The following BRINP1 variants were observed in gnomAD, a reference collection of about 807,000 sequenced individuals.
The protein encoded by BRINP1 is BMP/retinoic acid-inducible neural-specific protein 1.
A neutral mutation model predicts 72.9 loss-of-function variants in BRINP1; 17 were observed. The observed-to-expected ratio is 0.23, with a 90% CI of 0.16 to 0.35. The LOEUF is 0.35. Among genes scored for constraint, BRINP1 ranks in the 10% least tolerant of loss-of-function variants. BRINP1 has a pLI of 1.00. For missense variants in BRINP1, 850 were observed against 1,001.6 expected (o/e 0.85, Z 2.04); for synonymous variants, 418 against 378.5 (o/e 1.10, Z -1.21).
intron 1 of BRINP1, among the ~76,000 whole-genome samples, chr9:119,329,419 G>A (rs1188479029): frequency 2.6e-5 from 4 of 152,172 alleles, no homozygotes; most frequent in African/African-American, 9.7e-5. Context: ...TACAGCCACA[G>A]CTGTCACTTG....
chr9:119,224,225 T>C (rs1403575354), intron 5 of BRINP1, among the ~76,000 whole-genome samples: 1 of 152,096 alleles, frequency 6.6e-6, no homozygotes, highest in Non-Finnish European at 1.5e-5. Context: ...TATGCATACA[T>C]ATGCACGAGT....
intron 5 of BRINP1, among the ~76,000 whole-genome samples, chr9:119,237,397 G>C (rs570385196): frequency 6.7e-6 from 1 of 149,460 alleles, no homozygotes; most frequent in Non-Finnish European, 1.5e-5. Context: ...GTCTTGCTCT[G>C]TTGCCCAGGC....
intron 7 of BRINP1, among the ~76,000 whole-genome samples, chr9:119,188,688 G>A (rs1297190145): frequency 6.6e-6 from 1 of 152,086 alleles, no homozygotes; most frequent in Admixed American, 6.6e-5. Flanking sequence ...AGGCTGAGGT[G>A]GGAGGATCAC....
intron 2 of BRINP1, among the ~76,000 whole-genome samples, chr9:119,252,823 C>T (rs899319648): frequency 6.6e-6 from 1 of 152,084 alleles, no homozygotes; most frequent in Admixed American, 6.6e-5. Flanking sequence ...AATGATGCCA[C>T]CCCCACCACC....
chr9:119,364,647 A>G (rs1413600382), intron 1 of BRINP1, among the ~76,000 whole-genome samples: 1 of 152,238 alleles, frequency 6.6e-6, no homozygotes, highest in Non-Finnish European at 1.5e-5. Flanking sequence ...AGACAGTTTC[A>G]AATTCTAGCT....
At position 119,183,037 on chromosome 9, in the gene BRINP1, G is replaced by A. The variant is rs150318496; in HGVS notation, c.1146-14813C>T. ...GTAAGCACTAAGTCATCAAGGTTGTGGAACAATTGAAACTCTCCTAGGCTA... is the reference window on the plus strand; with the variant it reads ...GTAAGCACTAAGTCATCAAGGTTGTAGAACAATTGAAACTCTCCTAGGCTA... On this transcript the variant is annotated intron_variant, in intron 7 of 7. Transcript: ENST00000265922. Among the ~76,000 whole-genome samples the A allele has an allele frequency of 5.0e-3, 754 of 152,232 alleles. 7 individuals carry two copies. Among genetic ancestry groups the A allele is most frequent in the African/African-American group, 0.017 (689 of 41,528 alleles).
intron 1 of BRINP1, among the ~76,000 whole-genome samples, chr9:119,323,030 T>A (rs1831205264): frequency 6.6e-6 from 1 of 152,196 alleles, no homozygotes; most frequent in Admixed American, 6.5e-5. Context: ...TTTTTGGGGA[T>A]TCTTAACTTC....
rs570071929 is a variant in BRINP1, at chr9:119,334,066, A to G, written c.-50-20661T>C. On this transcript the variant is annotated intron_variant, in intron 1 of 7. Transcript: ENST00000265922. ...GAGGCAGCTCTAAATGCAGTCTGAG[A>G]AGAAGGCCGCTTCCCTGCTGGGAGT... Among the ~76,000 whole-genome samples the G allele has an allele frequency of 2.6e-5, 4 of 152,278 alleles. No individual in the cohort carries two copies. The South Asian group carries it at 8.3e-4, about 32-fold the overall frequency.
At chr9:119,251,798 T>A (rs1830392161) in intron 2 of BRINP1, among the ~76,000 whole-genome samples, 1 of 152,088 alleles carries the variant, frequency 6.6e-6, no homozygotes, top group Admixed American at 6.6e-5. Context: ...GAGACAAATG[T>A]TACAGGTGTG....
intron 7 of BRINP1, among the ~76,000 whole-genome samples, chr9:119,175,705 G>A (rs1000372151): frequency 2.6e-5 from 4 of 152,106 alleles, no homozygotes; most frequent in African/African-American, 9.7e-5. Context: ...CATCAGATAA[G>A]AAGCAGCATC....
chr9:119,322,463 A>G (rs1286567522), intron 1 of BRINP1, among the ~76,000 whole-genome samples: 1 of 152,154 alleles, frequency 6.6e-6, no homozygotes, highest in Non-Finnish European at 1.5e-5. Context: ...ATTGTAAATT[A>G]TTTACATCCG....
At chr9:119,274,476 T>C (rs1490702569) in intron 2 of BRINP1, among the ~76,000 whole-genome samples, 1 of 152,236 alleles carries the variant, frequency 6.6e-6, no homozygotes, top group Non-Finnish European at 1.5e-5. Context: ...TTTATGCTTC[T>C]GCCAATGAAT....
chr9:119,253,066 C>A (rs1052166307), intron 2 of BRINP1, among the ~76,000 whole-genome samples: 75 of 152,262 alleles, frequency 4.9e-4, no homozygotes, highest in African/African-American at 1.7e-3. Context: ...AACTCAGTAA[C>A]TGGGGATGTT....
chr9:119,232,648 A>C (rs1830158990), intron 5 of BRINP1, among the ~76,000 whole-genome samples: 1 of 152,116 alleles, frequency 6.6e-6, no homozygotes, highest in Non-Finnish European at 1.5e-5. Context: ...AACATACCTG[A>C]CCATACAGTT....
At chr9:119,192,925 C>A (rs1829696931) in intron 7 of BRINP1, among the ~76,000 whole-genome samples, 1 of 152,062 alleles carries the variant, frequency 6.6e-6, no homozygotes, top group African/African-American at 2.4e-5. Context: ...ACTGGCTCCT[C>A]AACCCCCCAA....
intron 1 of BRINP1, among the ~76,000 whole-genome samples, chr9:119,358,698 A>G (rs80018873): frequency 6.6e-6 from 1 of 151,742 alleles, no homozygotes; most frequent in Non-Finnish European, 1.5e-5. Flanking sequence ...CATCTCCAAG[A>G]AAAAAAAAGA....
intron 7 of BRINP1, among the ~76,000 whole-genome samples, chr9:119,185,789 G>A (rs201713399): frequency 6.6e-6 from 1 of 152,212 alleles, no homozygotes; most frequent in African/African-American, 2.4e-5. Flanking sequence ...ACTGCCTGGA[G>A]TTTGCACAGC....
chr9:119,331,296 G>C (rs1416293027), intron 1 of BRINP1, among the ~76,000 whole-genome samples: 1 of 152,192 alleles, frequency 6.6e-6, no homozygotes, highest in Non-Finnish European at 1.5e-5. Context: ...ACCAAGACTT[G>C]TTCTAAGATG....
At chr9:119,175,142 A>G (rs1167676673) in intron 7 of BRINP1, among the ~76,000 whole-genome samples, 2 of 151,730 alleles carry the variant, frequency 1.3e-5, no homozygotes, top group East Asian at 3.9e-4. Flanking sequence ...AGACAAAAAA[A>G]AAAAGAAAAT....
Sources: gnomAD v4.1 joint callset for allele counts (sites outside exome capture counted in the v4.1 genomes callset) on GRCh38, gnomAD v4.1.1 for gene constraint, MANE v1.5 for transcripts, NCBI Gene and HGNC (gene_info 2026-07-23, HGNC 2026-07-21) for gene names.